RAB31: variants seen among roughly 807,000 people sequenced by gnomAD.
RAB31 encodes the protein RAB31, member RAS oncogene family, also known as ras-related protein Rab-31.
RAB31 carries 21 observed loss-of-function variants against 25.6 expected under a neutral mutation model. The observed-to-expected ratio is 0.82, with a 90% CI of 0.58 to 1.18. The LOEUF is 1.18. Among genes scored for constraint, RAB31 ranks in the 50% most tolerant of loss-of-function variants. The pLI is 0.00. For synonymous variants in RAB31, 87 were observed against 84.0 expected, an observed-to-expected ratio of 1.04 and a Z score of -0.20; for missense variants, 196 against 250.1, an observed-to-expected ratio of 0.78 and a Z score of 1.46.
At chr18:9,820,686 C>T (rs1029348550) in intron 5 of RAB31, among the ~76,000 whole-genome samples, 4 of 151,830 alleles carry the variant, frequency 2.6e-5, no homozygotes, top group African/African-American at 9.7e-5. Context: ...ATCTTTTTTT[C>T]TTAATCCCAT....
intron 1 of RAB31, among the ~76,000 whole-genome samples, chr18:9,709,808 G>A (rs1390478204): frequency 6.6e-6 from 1 of 152,146 alleles, no homozygotes; most frequent in Admixed American, 6.5e-5. Context: ...TGGCAGGAGT[G>A]GGTTTTCCTG....
chr18:9,791,388 C>CTTTTTT (rs35523044), intron 2 of RAB31, among the ~76,000 whole-genome samples: 3 of 59,630 alleles, frequency 5.0e-5, no homozygotes, highest in East Asian at 5.5e-4. Context: ...GAAACACAGT[C>CTTTTTT]TTTTTTTTTT....
intron 1 of RAB31, among the ~76,000 whole-genome samples, chr18:9,731,841 C>T (rs893577879): frequency 6.6e-6 from 1 of 152,240 alleles, no homozygotes. Flanking sequence ...AGTGATCTGC[C>T]TGCCTCAGCT....
chr18:9,761,959 A>G (rs942029597), intron 1 of RAB31, among the ~76,000 whole-genome samples: 6 of 152,072 alleles, frequency 3.9e-5, no homozygotes, highest in Non-Finnish European at 7.4e-5. Flanking sequence ...GGTGCACACC[A>G]CCATGCCTGG....
chr18:9,803,921 C>A (rs1306369871), intron 3 of RAB31, among the ~76,000 whole-genome samples: 1 of 152,180 alleles, frequency 6.6e-6, no homozygotes, highest in African/African-American at 2.4e-5. Context: ...AACAGCCCTC[C>A]TGGGTGTCAG....
chr18:9,724,432 C>T (rs1341084028), intron 1 of RAB31, among the ~76,000 whole-genome samples: 3 of 152,112 alleles, frequency 2.0e-5, no homozygotes, highest in African/African-American at 7.2e-5. Flanking sequence ...ACTGTTGTGT[C>T]ACAAATAACC....
At chr18:9,838,536 G>A (rs187654076) in intron 5 of RAB31, among the ~76,000 whole-genome samples, 87 of 152,166 alleles carry the variant, frequency 5.7e-4, no homozygotes, top group Non-Finnish European at 1.0e-3. Context: ...TATTCCCCCA[G>A]CCATCAGTGA....
intron 3 of RAB31, among the ~76,000 whole-genome samples, chr18:9,796,868 A>T (rs1309510366): frequency 2.0e-5 from 3 of 152,148 alleles, no homozygotes; most frequent in Admixed American, 2.0e-4. Context: ...GCTTTAGAAT[A>T]CATGCTTTAA....
chr18:9,842,906 C>G (rs564209375), intron 5 of RAB31, among the ~76,000 whole-genome samples: 1 of 152,346 alleles, frequency 6.6e-6, no homozygotes, highest in South Asian at 2.1e-4. Context: ...GTGTGCTTTT[C>G]TTATCTTCCC....
intron 6 of RAB31, among the ~76,000 whole-genome samples, chr18:9,846,692 C>T (rs116186667): frequency 1.7e-3 from 254 of 152,246 alleles, no homozygotes; most frequent in African/African-American, 5.6e-3. Flanking sequence ...TCAGAGAAGC[C>T]GTGGCTTCCC....
At chr18:9,719,576 C>T (rs2068064135) in intron 1 of RAB31, among the ~76,000 whole-genome samples, 1 of 151,614 alleles carries the variant, frequency 6.6e-6, no homozygotes, top group Non-Finnish European at 1.5e-5. Flanking sequence ...ACACTCACCT[C>T]CTCATTTAAC....
Position 9,836,063 on chromosome 18 carries a change from CAT to C in RAB31, c.381-9518_381-9517del, listed in dbSNP as rs1224866340. Among the ~76,000 whole-genome samples the C allele has an allele frequency of 9.2e-5, 14 of 152,154 alleles. No homozygotes were observed. The East Asian group carries it at 2.5e-3, about 27-fold the overall frequency. On this transcript the variant is annotated intron_variant, in intron 5 of 6. Coordinates refer to ENST00000578921, the MANE Select transcript of RAB31 (RefSeq NM_006868.4). ...TTGCTTTTGGCTGCAATACCTTAAACATGTGGGATGGTTTTGACAGAAAATAA... is the reference window on the plus strand; with the variant it reads ...TTGCTTTTGGCTGCAATACCTTAAACGTGGGATGGTTTTGACAGAAAATAA...
Position 9,862,372 on chromosome 18 carries a change from G to A in RAB31, c.*3047G>A, listed in dbSNP as rs935843644. The A allele has an allele frequency of 1.3e-5, 2 of 152,228 alleles. No individual in the cohort carries two copies. The highest frequency in any genetic ancestry group is 4.8e-5 in the African/African-American group (2 of 41,444). The allele number at this position is 152,228 out of a possible 1,614,324, so 9.4% of individuals were successfully genotyped here. ...CTCCTTTTTCTCGTGTTTTTGTAAAGAGCTTCCATCTGGGCTGGACCCAGT... is the reference window on the plus strand; with the variant it reads ...CTCCTTTTTCTCGTGTTTTTGTAAAAAGCTTCCATCTGGGCTGGACCCAGT... On this transcript the variant is annotated 3_prime_UTR_variant, in exon 7 of 7. Coordinates refer to ENST00000578921, the MANE Select transcript of RAB31 (RefSeq NM_006868.4).
At chr18:9,743,065 C>T (rs1473716939) in intron 1 of RAB31, among the ~76,000 whole-genome samples, 1 of 152,196 alleles carries the variant, frequency 6.6e-6, no homozygotes, top group Non-Finnish European at 1.5e-5. Context: ...TAAACAGGCT[C>T]TGAAATGCCA....
At position 9,742,483 on chromosome 18, in the gene RAB31, G is replaced by A. The variant is rs146694389; in HGVS notation, c.40-32795G>A. On this transcript the variant is annotated intron_variant, in intron 1 of 6. Coordinates refer to ENST00000578921, the MANE Select transcript of RAB31 (RefSeq NM_006868.4). ...CCAGCCTGAGTGTGGGGGCTGCTTG[G>A]CTCGGCCTGTTTCCACGCTAGGGAC... is the stretch of plus-strand genomic sequence containing the variant. 8.6e-3 allele frequency among the ~76,000 whole-genome samples: 1,308 copies of A among 152,300 alleles called. 23 individuals carry two copies. The highest frequency in any genetic ancestry group is 0.03 in the African/African-American group (1,238 of 41,556).
rs983283776 is a variant in RAB31, at chr18:9,792,242, A to G, written c.201+7A>G. The G allele has an allele frequency of 3.7e-6, 6 of 1,608,396 alleles. No homozygotes were observed. Among genetic ancestry groups the G allele is most frequent in the Middle Eastern group, 1.7e-4 (1 of 6,040 alleles). On this transcript the variant is annotated splice_region_variant and intron_variant, in intron 3 of 6. Transcript: ENST00000578921. ...CACTGCTGGTCAGGAACGGGTGAGT[A>G]TATGCTGTTTTTTGGTGAAAACAAG...
In RAB31 at chr18:9,775,355, T is replaced by C. The variant is rs1278624783; in HGVS notation, c.117T>C (p.Ile39=). 6.2e-7 allele frequency: 1 copy of C among 1,613,674 alleles called. No individual in the cohort carries two copies. Among genetic ancestry groups the C allele is most frequent in the Non-Finnish European group, 8.5e-7 (1 of 1,179,746 alleles). ...DHFDHNISPT[I]GASFMTKTVP... is the part of the protein sequence containing the mutation. ...TTGACCACAACATCAGCCCTACTAT[T>C]GGGTAAGTTCCTGTATGTCATTCTC... Residue 39 remains isoleucine (I), a splice_region_variant and synonymous_variant, in exon 2 of 7, where the codon ATT becomes ATC. Transcript: ENST00000578921.
At chr18:9,840,918 C>A (rs1471255516) in intron 5 of RAB31, among the ~76,000 whole-genome samples, 1 of 152,088 alleles carries the variant, frequency 6.6e-6, no homozygotes, top group African/African-American at 2.4e-5. Context: ...GAAGGAATTA[C>A]AACAAATTTA....
Position 9,845,585 on chromosome 18 carries a change from G to A in RAB31, c.384G>A (p.Glu128=). Residue 128 remains glutamate, a synonymous_variant, in exon 6 of 7, where the codon GAG becomes GAA. Coordinates refer to ENST00000578921, the MANE Select transcript of RAB31 (RefSeq NM_006868.4). ...CTACATTTGACCTCTTTTCCAGGGA[G>A]GTTCCCCTGAAGGATGCTAAGGAAT... ...GNKCDLSDIR[E]VPLKDAKEYA... is the part of the protein sequence containing the mutation. 6.5e-7 allele frequency: 1 copy of A among 1,536,184 alleles called. No homozygotes were observed.
Sources: allele counts gnomAD v4.1 joint callset (sites outside exome capture counted in the v4.1 genomes callset), GRCh38; gene constraint gnomAD v4.1.1; transcripts MANE v1.5; gene names NCBI Gene and HGNC (gene_info 2026-07-23, HGNC 2026-07-21).